GPD2: variants seen among roughly 807,000 people sequenced by gnomAD.
GPD2 encodes the protein glycerol-3-phosphate dehydrogenase 2.
In GPD2, 54 loss-of-function variants were observed where a neutral mutation model predicts 82.4. That is an observed-to-expected ratio of 0.66 (90% CI 0.53 to 0.82). The LOEUF (loss-of-function observed/expected upper bound fraction) is 0.82, where lower values mean the gene tolerates loss of function less well. Among genes scored for constraint, GPD2 ranks in the 40% least tolerant of loss-of-function variants. The pLI is 0.00. For missense variants in GPD2, 748 were observed against 896.2 expected, an observed-to-expected ratio of 0.83 and a Z score of 2.11; for synonymous variants, 288 against 306.1, an observed-to-expected ratio of 0.94 and a Z score of 0.62.
chr2:156,568,802 C>T, intron 9 of GPD2, 23 bp from the exon 10 acceptor site: 1 of 1,605,810 alleles, frequency 6.2e-7, no homozygotes, highest in Non-Finnish European at 8.5e-7. Context: ...ATGTTCATAA[C>T]CCTTGGCATT....
At chr2:156,568,992 T>G in intron 10 of GPD2, 33 bp downstream of exon 10, 2 of 997,982 alleles carry the variant, frequency 2.0e-6, no homozygotes, top group Non-Finnish European at 2.8e-6. Context: ...TTTCTTTTCT[T>G]TTTTTTTTTT....
intron 1 of GPD2, among the ~76,000 whole-genome samples, chr2:156,438,001 A>G (rs1283033713): frequency 2.0e-5 from 3 of 152,182 alleles, no homozygotes; most frequent in Admixed American, 1.3e-4. Flanking sequence ...TGTAAGTTCT[A>G]TGAGAGTAGC....
chr2:156,563,950 A>G (rs527759720), intron 9 of GPD2, among the ~76,000 whole-genome samples: 2 of 152,306 alleles, frequency 1.3e-5, no homozygotes, highest in South Asian at 4.1e-4. Context: ...ACCACATGCT[A>G]CTAATGGCTA....
chr2:156,432,949 C>CT (rs1390655560), upstream of GPD2, among the ~76,000 whole-genome samples: 2 of 152,194 alleles, frequency 1.3e-5, no homozygotes, highest in Non-Finnish European at 2.9e-5. Context: ...ATGCCAACAT[C>CT]TTTCTGCTGT....
chr2:156,401,232 C>T, the GPD2 span, among the ~76,000 whole-genome samples: 472 of 152,292 alleles, frequency 3.1e-3, 1 homozygote, highest in African/African-American at 8.3e-3. Context: ...AGCAAATGTG[C>T]TTTTCTATTG....
At chr2:156,532,899 A>G (rs954020064) in intron 6 of GPD2, among the ~76,000 whole-genome samples, 3 of 152,206 alleles carry the variant, frequency 2.0e-5, no homozygotes, top group Non-Finnish European at 2.9e-5. Flanking sequence ...AAGTTTTTCT[A>G]ATTTATATTG....
the GPD2 span, among the ~76,000 whole-genome samples, chr2:156,403,938 A>T: frequency 6.6e-6 from 1 of 152,202 alleles, no homozygotes; most frequent in Non-Finnish European, 1.5e-5. Flanking sequence ...AAACAGGTTG[A>T]GTGTATAGTT....
intron 6 of GPD2, among the ~76,000 whole-genome samples, chr2:156,539,318 A>G (rs1686212581): frequency 6.6e-6 from 1 of 152,204 alleles, no homozygotes; most frequent in Non-Finnish European, 1.5e-5. Context: ...TGATGAGGAA[A>G]GGGACGTCCC....
At chr2:156,465,650 AC>A (rs1234454897) in intron 1 of GPD2, among the ~76,000 whole-genome samples, 5 of 152,162 alleles carry the variant, frequency 3.3e-5, no homozygotes, top group African/African-American at 1.2e-4. Context: ...TTAGCCACCC[AC>A]CACTCCAGGC....
intron 13 of GPD2, among the ~76,000 whole-genome samples, chr2:156,572,011 C>A (rs893852749): frequency 6.6e-6 from 1 of 152,166 alleles, no homozygotes; most frequent in African/African-American, 2.4e-5. Flanking sequence ...TCACCAGTAA[C>A]CTCCATGTTA....
At chr2:156,434,316 C>T (rs1233619240), upstream of GPD2, among the ~76,000 whole-genome samples, 1 of 152,114 alleles carries the variant, frequency 6.6e-6, no homozygotes, top group Non-Finnish European at 1.5e-5. Context: ...GTTGGTTAGG[C>T]TGGTCTTGAA....
intron 3 of GPD2, among the ~76,000 whole-genome samples, chr2:156,506,720 T>C (rs1011514749): frequency 6.6e-6 from 1 of 152,142 alleles, no homozygotes; most frequent in African/African-American, 2.4e-5. Flanking sequence ...ACACTGGTCC[T>C]CCAAAAGGTC....
At chr2:156,415,156 CTTTTTTTTTTTTT>C in the GPD2 span, among the ~76,000 whole-genome samples, 2 of 114,620 alleles carry the variant, frequency 1.7e-5, no homozygotes, top group East Asian at 2.7e-4. Context: ...TTGTATCATT[CTTTTTTTTTTTTT>C]TTTTTTTGAG....
At chr2:156,498,348 A>G (rs2105246245) in intron 3 of GPD2, among the ~76,000 whole-genome samples, 1 of 152,308 alleles carries the variant, frequency 6.6e-6, no homozygotes, top group South Asian at 2.1e-4. Flanking sequence ...GCTCAGGGCC[A>G]TTACGGACAC....
chr2:156,507,830 A>G (rs1684842220), intron 3 of GPD2, among the ~76,000 whole-genome samples: 1 of 151,898 alleles, frequency 6.6e-6, no homozygotes, highest in South Asian at 2.1e-4. Context: ...CTGCACTCCA[A>G]CCCCTGAGTG....
At chr2:156,413,047 T>C in the GPD2 span, among the ~76,000 whole-genome samples, 25 of 151,618 alleles carry the variant, frequency 1.6e-4, 1 homozygote, top group Middle Eastern at 3.4e-3. Flanking sequence ...CAGTAAGCTG[T>C]AATCATGCCA....
intron 2 of GPD2, among the ~76,000 whole-genome samples, chr2:156,495,271 C>T (rs764400804): frequency 4.6e-5 from 7 of 152,096 alleles, no homozygotes; most frequent in East Asian, 1.9e-4. Flanking sequence ...TTCACCTGAA[C>T]GTGGGGAGGA....
At chr2:156,473,565 GTCAA>G (rs1243710199) in intron 1 of GPD2, 1 of 152,194 alleles carries the variant, frequency 6.6e-6, no homozygotes, top group African/African-American at 2.4e-5. Flanking sequence ...GCAATGATAA[GTCAA>G]TCAGTCACAA....
At chr2:156,527,404 A>T (rs890793536) in intron 6 of GPD2, among the ~76,000 whole-genome samples, 6 of 152,116 alleles carry the variant, frequency 3.9e-5, no homozygotes, top group African/African-American at 1.2e-4. Flanking sequence ...ATTAATACTT[A>T]CTCATATCAC....
Sources: gnomAD v4.1 joint callset for allele counts (sites outside exome capture counted in the v4.1 genomes callset) on GRCh38, gnomAD v4.1.1 for gene constraint, MANE v1.5 for transcripts, NCBI Gene and HGNC (gene_info 2026-07-23, HGNC 2026-07-21) for gene names.